Variants in FSTL5 observed in about 807,000 individuals in gnomAD.
The protein encoded by FSTL5 is follistatin-related protein 5.
A neutral mutation model predicts 89.1 loss-of-function variants in FSTL5; 62 were observed. The observed-to-expected ratio is 0.70, with a 90% CI of 0.57 to 0.86. FSTL5 has a LOEUF of 0.86. Ranked by LOEUF, FSTL5 falls within the 40% of genes least tolerant of loss-of-function variation. FSTL5 has a pLI of 0.00. For missense variants in FSTL5, 1,057 were observed against 1,001.6 expected (o/e 1.06, Z -0.75); for synonymous variants, 383 against 346.2 (o/e 1.11, Z -1.18).
intron 5 of FSTL5, among the ~76,000 whole-genome samples, chr4:161,759,758 G>A (rs886498465): frequency 2.0e-5 from 3 of 152,164 alleles, no homozygotes; most frequent in South Asian, 2.1e-4. Context: ...TCGTTCAAAC[G>A]TTCTAATATA....
chr4:161,435,249 A>G (rs1309597932), intron 15 of FSTL5, among the ~76,000 whole-genome samples: 2 of 152,168 alleles, frequency 1.3e-5, no homozygotes, highest in East Asian at 1.9e-4. Context: ...TATAAAAAAA[A>G]TGAGATATTG....
chr4:162,035,492 G>T (rs1737702500), intron 2 of FSTL5: 1 of 152,026 alleles, frequency 6.6e-6, no homozygotes, highest in African/African-American at 2.4e-5. Flanking sequence ...AGAGTTCTTA[G>T]CATTGTCAAA....
chr4:161,626,290 T>C (rs765794587), intron 7 of FSTL5, among the ~76,000 whole-genome samples: 2 of 152,180 alleles, frequency 1.3e-5, no homozygotes, highest in African/African-American at 2.4e-5. Context: ...TAAGGGCTAA[T>C]GCACTCGGTG....
intron 6 of FSTL5, among the ~76,000 whole-genome samples, chr4:161,685,525 T>C (rs751097303): frequency 1.3e-5 from 2 of 152,174 alleles, no homozygotes; most frequent in Admixed American, 6.6e-5. Context: ...TTGCAGCTAT[T>C]GTAAAAGGTG....
chr4:161,638,171 A>G (rs1159526767), intron 7 of FSTL5, among the ~76,000 whole-genome samples: 17 of 151,128 alleles, frequency 1.1e-4, no homozygotes, highest in Non-Finnish European at 1.6e-4. Context: ...CCTTGAAGAG[A>G]TCCTTCACAT....
At chr4:161,450,281 C>T (rs1350864092) in intron 15 of FSTL5, among the ~76,000 whole-genome samples, 1 of 152,164 alleles carries the variant, frequency 6.6e-6, no homozygotes, top group Non-Finnish European at 1.5e-5. Flanking sequence ...ATTTATTATG[C>T]AAATTCTAGT....
At chr4:162,132,855 T>C (rs1027000366) in intron 1 of FSTL5, among the ~76,000 whole-genome samples, 22 of 152,344 alleles carry the variant, frequency 1.4e-4, no homozygotes, top group African/African-American at 5.0e-4. Flanking sequence ...TCACATGGTA[T>C]TAGGTGATTA....
chr4:161,538,441 C>T (rs933357684), intron 9 of FSTL5, 141 bp from the exon 10 acceptor site: 3 of 838,282 alleles, frequency 3.6e-6, no homozygotes, highest in Non-Finnish European at 5.7e-6. Context: ...TGAAGGCATG[C>T]CAAATTATTC....
chr4:161,641,953 A>C (rs1241203633), intron 7 of FSTL5, among the ~76,000 whole-genome samples: 1 of 152,234 alleles, frequency 6.6e-6, no homozygotes, highest in Non-Finnish European at 1.5e-5. Context: ...AATGACAGAC[A>C]AAAAAGCTCT....
At chr4:161,587,635 T>C in intron 7 of FSTL5, 60 bp from the exon 8 acceptor site, 2 of 1,376,166 alleles carry the variant, frequency 1.5e-6, no homozygotes, top group Non-Finnish European at 2.0e-6. Context: ...ACAATTTCAA[T>C]TTTTAAAAGG....
At chr4:161,880,132 G>A (rs564816842) in intron 4 of FSTL5, among the ~76,000 whole-genome samples, 1 of 152,008 alleles carries the variant, frequency 6.6e-6, no homozygotes, top group Non-Finnish European at 1.5e-5. Context: ...TAGGTGTGGG[G>A]GAGAAAAAGG....
At chr4:161,857,280 C>T (rs1308625466) in intron 4 of FSTL5, among the ~76,000 whole-genome samples, 5 of 152,160 alleles carry the variant, frequency 3.3e-5, no homozygotes, top group Middle Eastern at 3.4e-3. Flanking sequence ...AAGGTGTTGA[C>T]TAATGTATCT....
intron 3 of FSTL5, among the ~76,000 whole-genome samples, chr4:161,953,596 A>G (rs962764480): frequency 2.0e-5 from 3 of 151,676 alleles, no homozygotes; most frequent in African/African-American, 7.2e-5. Context: ...TTTTAAGTAG[A>G]TAAGCTATCT....
intron 4 of FSTL5, among the ~76,000 whole-genome samples, chr4:161,861,105 A>G (rs1037346270): frequency 6.6e-6 from 1 of 152,176 alleles, no homozygotes; most frequent in East Asian, 1.9e-4. Context: ...ACTAGAGTGT[A>G]TTATATCCTT....
At chr4:161,517,839 T>C (rs1004896565) in intron 10 of FSTL5, among the ~76,000 whole-genome samples, 3 of 152,208 alleles carry the variant, frequency 2.0e-5, no homozygotes, top group African/African-American at 7.2e-5. Context: ...AAATTAGATG[T>C]CTTATTGACT....
chr4:161,814,609 A>C (rs534317808), intron 4 of FSTL5, among the ~76,000 whole-genome samples: 1 of 152,268 alleles, frequency 6.6e-6, no homozygotes, highest in East Asian at 1.9e-4. Context: ...CATTTACATT[A>C]TATAATAGAA....
intron 4 of FSTL5, among the ~76,000 whole-genome samples, chr4:161,808,614 C>T (rs771068105): frequency 6.0e-5 from 6 of 99,540 alleles, no homozygotes; most frequent in African/African-American, 1.8e-4. Flanking sequence ...GCATATGACA[C>T]CAAAAACAGA....
At chr4:161,867,751 GA>G (rs1042157369) in intron 4 of FSTL5, among the ~76,000 whole-genome samples, 2 of 151,326 alleles carry the variant, frequency 1.3e-5, no homozygotes, top group Non-Finnish European at 3.0e-5. Context: ...TAAATATAGA[GA>G]AAAAAATCAC....
chr4:161,416,001 A>G (rs1731767983), intron 15 of FSTL5, among the ~76,000 whole-genome samples: 2 of 152,050 alleles, frequency 1.3e-5, no homozygotes, highest in South Asian at 4.1e-4. Flanking sequence ...AGCATAGTCA[A>G]TACATAAGAC....
Sources: gnomAD v4.1 joint callset for allele counts (sites outside exome capture counted in the v4.1 genomes callset) on GRCh38, gnomAD v4.1.1 for gene constraint, MANE v1.5 for transcripts, NCBI Gene and HGNC (gene_info 2026-07-23, HGNC 2026-07-21) for gene names.